Variants in FRMD5 observed in about 807,000 individuals in gnomAD.
FRMD5 encodes the protein FERM domain-containing protein 5.
FRMD5 carries 20 observed loss-of-function variants against 69.0 expected under a neutral mutation model. That is an observed-to-expected ratio of 0.29 (90% confidence interval 0.20 to 0.42). FRMD5 has a LOEUF of 0.42. Ranked by LOEUF, FRMD5 falls within the 10% of genes least tolerant of loss-of-function variation. The pLI, the probability that FRMD5 is intolerant of heterozygous loss-of-function variation, is 1.00. For synonymous variants in FRMD5, 271 were observed against 260.1 expected (o/e 1.04, Z -0.40); for missense variants, 595 against 708.6 (o/e 0.84, Z 1.82).
At chr15:43,905,800 G>T in intron 6 of FRMD5, 28 bp downstream of exon 6, 1 of 1,613,198 alleles carries the variant, frequency 6.2e-7, no homozygotes, top group Non-Finnish European at 8.5e-7. Flanking sequence ...AAGCCACAAT[G>T]TTCTGGGCCT....
chr15:43,875,747 C>G (rs929965037), intron 13 of FRMD5: 1 of 567,114 alleles, frequency 1.8e-6, no homozygotes, highest in Non-Finnish European at 3.1e-6. Flanking sequence ...AGCCACCGCA[C>G]CCAGCCCCTA....
chr15:44,069,791 T>C (rs1280116085), intron 1 of FRMD5, among the ~76,000 whole-genome samples: 1 of 152,200 alleles, frequency 6.6e-6, no homozygotes, highest in African/African-American at 2.4e-5. Context: ...TGCAAGATGT[T>C]ACCATAGGGA....
intron 7 of FRMD5, among the ~76,000 whole-genome samples, chr15:43,899,429 T>C (rs2088991499): frequency 1.3e-5 from 2 of 152,098 alleles, no homozygotes; most frequent in South Asian, 4.1e-4. Context: ...TGTTCTTCCA[T>C]AGGGTACATA....
chr15:43,883,755 C>T lies in FRMD5; in HGVS notation c.1083G>A (p.Leu361=), dbSNP rs373573301. 4.3e-6 allele frequency: 7 copies of T among 1,613,834 alleles called. No individual in the cohort carries two copies. In the African/African-American group the frequency reaches 9.3e-5, roughly 22 times the overall value. ...TTCTGCGGGTCCTGGGGACGCTGCT[C>T]AGCCTTGGGCCATGGGTTATGGAGG... is the stretch of plus-strand genomic sequence containing the variant. ...SCPSITHGPR[L]SSVPRTRRRA... The change falls in exon 13 of 14, where the codon CTG becomes CTA. Residue 361 remains leucine (L), a synonymous_variant. Coordinates refer to ENST00000417257, the MANE Select transcript of FRMD5 (RefSeq NM_032892.5).
In FRMD5 at chr15:44,072,016, C is replaced by T. The variant is rs566668359; in HGVS notation, c.102+122937G>A. On this transcript the variant is annotated intron_variant, in intron 1 of 13. Coordinates refer to ENST00000417257, the MANE Select transcript of FRMD5 (RefSeq NM_032892.5). Reference sequence around the variant, plus strand: ...GAATAGCTGGGATTACAGGCGCCCACCACCATGCCTGGCTAATTTTTGTAT... The same window carrying T: ...GAATAGCTGGGATTACAGGCGCCCATCACCATGCCTGGCTAATTTTTGTAT... 2.0e-5 allele frequency among the ~76,000 whole-genome samples: 3 copies of T among 152,174 alleles called. No individual in the cohort carries two copies. In the South Asian group the frequency reaches 6.2e-4, roughly 32 times the overall value.
intron 1 of FRMD5, among the ~76,000 whole-genome samples, chr15:44,131,475 G>A (rs1289265591): frequency 1.3e-5 from 2 of 152,062 alleles, no homozygotes; most frequent in African/African-American, 4.8e-5. Context: ...GGGTCTCAGA[G>A]AGATATCTGT....
intron 1 of FRMD5, among the ~76,000 whole-genome samples, chr15:44,172,537 C>T (rs1033690093): frequency 6.6e-6 from 1 of 152,102 alleles, no homozygotes; most frequent in Non-Finnish European, 1.5e-5. Context: ...ATTTCCTTTG[C>T]TTTAATTTAG....
At chr15:44,101,310 T>C (rs2076636938) in intron 1 of FRMD5, 1 of 152,548 alleles carries the variant, frequency 6.6e-6, no homozygotes, top group African/African-American at 2.4e-5. Context: ...TAAAGCAAGC[T>C]TGTGGATAGC....
intron 7 of FRMD5, 125 bp downstream of exon 7, chr15:43,902,050 A>G (rs867014897): frequency 1.3e-5 from 9 of 705,644 alleles, no homozygotes; most frequent in African/African-American, 1.1e-4. Context: ...TTTCTCTGAT[A>G]TCTCACTGAA....
intron 1 of FRMD5, among the ~76,000 whole-genome samples, chr15:44,009,025 A>G (rs1890591288): frequency 1.3e-5 from 2 of 152,186 alleles, no homozygotes; most frequent in South Asian, 4.1e-4. Context: ...ACTCCGTCTC[A>G]AAAACAAAAA....
intron 1 of FRMD5, among the ~76,000 whole-genome samples, chr15:44,073,780 C>T (rs112376358): frequency 0.015 from 2,271 of 152,264 alleles, 36 homozygotes; most frequent in Non-Finnish European, 0.022. Flanking sequence ...AAAAACAAGT[C>T]CTCTATGACA....
intron 10 of FRMD5, among the ~76,000 whole-genome samples, chr15:43,887,742 CAG>C (rs1403198280): frequency 2.0e-5 from 3 of 152,210 alleles, no homozygotes; most frequent in Non-Finnish European, 4.4e-5. Flanking sequence ...CCTGGCCAAT[CAG>C]GGGCATTTGG....
chr15:43,892,115 T>C (rs1196314958), intron 7 of FRMD5, 46 bp from the exon 8 acceptor site: 1 of 1,556,484 alleles, frequency 6.4e-7, no homozygotes, highest in African/African-American at 1.4e-5. Context: ...GGCACAGAGG[T>C]GAAAGGGTAA....
intron 7 of FRMD5, among the ~76,000 whole-genome samples, chr15:43,896,853 C>T (rs896170690): frequency 5.3e-5 from 8 of 152,226 alleles, no homozygotes; most frequent in African/African-American, 1.9e-4. Flanking sequence ...GATGATTCCA[C>T]ATGCTGTACC....
intron 1 of FRMD5, among the ~76,000 whole-genome samples, chr15:44,153,711 A>G (rs1309795277): frequency 6.6e-6 from 1 of 152,192 alleles, no homozygotes; most frequent in Non-Finnish European, 1.5e-5. Flanking sequence ...GCTCACGCCC[A>G]TAATCCCAGC....
At chr15:44,136,815 A>G (rs1312758608) in intron 1 of FRMD5, among the ~76,000 whole-genome samples, 1 of 152,216 alleles carries the variant, frequency 6.6e-6, no homozygotes, top group Non-Finnish European at 1.5e-5. Flanking sequence ...TTTGAAATTG[A>G]AAAACAATAT....
At chr15:43,888,128 G>T in intron 10 of FRMD5, 47 bp downstream of exon 10, 1 of 1,451,888 alleles carries the variant, frequency 6.9e-7, no homozygotes, top group South Asian at 1.2e-5. Context: ...GACTCTCTCT[G>T]ACTCTGGCTC....
chr15:44,109,015 T>TAAAATAAAATAAAATAAAAAA (rs1555404818), intron 1 of FRMD5, among the ~76,000 whole-genome samples: 1 of 149,662 alleles, frequency 6.7e-6, no homozygotes, highest in African/African-American at 2.5e-5. Context: ...TAAAATAAAA[T>TAAAATAAAATAAAATAAAAAA]AAAATGTTTG....
chr15:44,168,943 T>C (rs1411087672), intron 1 of FRMD5, among the ~76,000 whole-genome samples: 2 of 152,190 alleles, frequency 1.3e-5, no homozygotes, highest in Non-Finnish European at 2.9e-5. Context: ...TGTTCCTTGA[T>C]CAATATCATT....
Sources: gnomAD v4.1 joint callset for allele counts (sites outside exome capture counted in the v4.1 genomes callset) on GRCh38, gnomAD v4.1.1 for gene constraint, MANE v1.5 for transcripts, NCBI Gene and HGNC (gene_info 2026-07-23, HGNC 2026-07-21) for gene names.